The following CTNNA2 variants were observed in gnomAD, a reference collection of about 807,000 sequenced individuals.
CTNNA2 encodes catenin alpha-2.
CTNNA2 carries 42 observed loss-of-function variants against 101.0 expected under a neutral mutation model. That is an observed-to-expected ratio of 0.42 (90% CI 0.32 to 0.54). The LOEUF (loss-of-function observed/expected upper bound fraction) is 0.54. Among genes scored for constraint, CTNNA2 ranks in the 20% least tolerant of loss-of-function variants. CTNNA2 has a pLI of 0.14. For missense variants in CTNNA2, 871 were observed against 1,223.1 expected (o/e 0.71, Z 4.29); for synonymous variants, 450 against 456.4 (o/e 0.99, Z 0.18).
chr2:80,233,841 A>G (rs989336717), intron 7 of CTNNA2, among the ~76,000 whole-genome samples: 4 of 152,184 alleles, frequency 2.6e-5, no homozygotes, highest in Admixed American at 6.5e-5. Context: ...TTGAAGAAGT[A>G]TTTCATTACA....
rs529103804 is a variant in CTNNA2 at position 79,778,526 on chromosome 2, CTG to C, written c.298+33946_298+33947del. Among the ~76,000 whole-genome samples, 326 of 152,212 alleles carry C rather than the reference CTG, an allele frequency of 2.1e-3. 1 individual carries two copies. Among genetic ancestry groups the C allele is most frequent in the African/African-American group, 7.5e-3 (312 of 41,540 alleles). On this transcript the variant is annotated intron_variant, in intron 3 of 18. Transcript: ENST00000402739. Reference sequence around the variant, plus strand: ...AAAAAAACCTACTTGGTCATGATGACTGTATATATGGGTATATGCAGTCATAT... The same window carrying C: ...AAAAAAACCTACTTGGTCATGATGACTATATATGGGTATATGCAGTCATAT...
In CTNNA2 at chr2:79,932,239, G is replaced by GA. The variant is rs1374585032; in HGVS notation, c.1056+22448dup. 5.9e-5 allele frequency among the ~76,000 whole-genome samples: 9 copies of GA among 151,996 alleles called. No individual in the cohort carries two copies. In the East Asian group the frequency reaches 1.4e-3, roughly 23 times the overall value. The stretch of plus-strand genomic sequence containing the variant: ...TACCTCCAGAGCCCTCCCTTTCTCT[G>GA]AAAAAACAATGCTTTATTATAGTTA... On this transcript the variant is annotated intron_variant, in intron 7 of 18. Coordinates refer to ENST00000402739, the MANE Select transcript of CTNNA2 (RefSeq NM_001282597.3).
At chr2:80,045,524 AAAT>A (rs1367261135) in intron 7 of CTNNA2, among the ~76,000 whole-genome samples, 1 of 152,186 alleles carries the variant, frequency 6.6e-6, no homozygotes, top group East Asian at 1.9e-4. Flanking sequence ...TTGTCACACT[AAAT>A]AAATAATTAC....
chr2:80,552,484 A>C (rs983154667), intron 11 of CTNNA2, among the ~76,000 whole-genome samples: 2 of 152,220 alleles, frequency 1.3e-5, no homozygotes, highest in African/African-American at 4.8e-5. Flanking sequence ...ATCATGAAGA[A>C]ACTGTGACTC....
At chr2:79,537,194 C>G (rs1165660134) in intron 1 of CTNNA2, among the ~76,000 whole-genome samples, 1 of 152,172 alleles carries the variant, frequency 6.6e-6, no homozygotes, top group Non-Finnish European at 1.5e-5. Context: ...CTGATTTGAC[C>G]TGCCTGATCC....
intron 3 of CTNNA2, among the ~76,000 whole-genome samples, chr2:79,341,229 T>G (rs1016638332): frequency 1.3e-5 from 2 of 152,154 alleles, no homozygotes. Flanking sequence ...TAATAGTGAA[T>G]AAGATTCAGA....
intron 9 of CTNNA2, among the ~76,000 whole-genome samples, chr2:80,426,035 A>G (rs150620117): frequency 1.3e-5 from 2 of 152,294 alleles, no homozygotes; most frequent in East Asian, 1.9e-4. Flanking sequence ...CAGGTCAACT[A>G]TGATGTAAAG....
intron 6 of CTNNA2, among the ~76,000 whole-genome samples, chr2:79,874,988 C>T (rs1193391918): frequency 2.0e-5 from 3 of 152,170 alleles, no homozygotes; most frequent in African/African-American, 7.2e-5. Context: ...GCGTGAAAAG[C>T]TGCCATCAAT....
chr2:79,651,769 TCC>T, intron 2 of CTNNA2, 111 bp downstream of exon 2: 3 of 863,206 alleles, frequency 3.5e-6, no homozygotes, highest in Non-Finnish European at 3.7e-6. Context: ...ATGCCATGAT[TCC>T]GATTACTGAA....
At chr2:79,579,333 A>G (rs181454449) in intron 1 of CTNNA2, among the ~76,000 whole-genome samples, 28 of 147,462 alleles carry the variant, frequency 1.9e-4, no homozygotes, top group Middle Eastern at 3.4e-3. Flanking sequence ...TTTATCTGCT[A>G]CCTGGATCCC....
rs145067884 is a variant in CTNNA2 at position 79,487,083 on chromosome 2, G to A, written c.-134-17971G>A. On this transcript the variant is annotated intron_variant, in intron 4 of 21. Transcript: ENST00000466387. ...CTACTAATGCTTTTTAAAAAATTTA[G>A]CCCTATAATTCCAAAGCAGTTTAAA... Among the ~76,000 whole-genome samples, 179 of 152,184 alleles carry A rather than the reference G, an allele frequency of 1.2e-3. 1 individual carries two copies. Among genetic ancestry groups the A allele is most frequent in the Middle Eastern group, 3.4e-3 (1 of 294 alleles).
intron 7 of CTNNA2, among the ~76,000 whole-genome samples, chr2:80,360,634 C>A (rs1213871941): frequency 1.3e-5 from 2 of 152,060 alleles, no homozygotes; most frequent in Non-Finnish European, 2.9e-5. Flanking sequence ...TATGATTAGT[C>A]CCTGCATATG....
At chr2:79,936,348 TTTAA>T (rs1192270892) in intron 7 of CTNNA2, among the ~76,000 whole-genome samples, 3 of 152,136 alleles carry the variant, frequency 2.0e-5, no homozygotes, top group Non-Finnish European at 4.4e-5. Flanking sequence ...TACGGTATTA[TTTAA>T]TTGTCATACC....
intron 6 of CTNNA2, among the ~76,000 whole-genome samples, chr2:79,889,690 T>A (rs1402915284): frequency 6.6e-6 from 1 of 152,178 alleles, no homozygotes; most frequent in Non-Finnish European, 1.5e-5. Flanking sequence ...AAATACTAGT[T>A]TTCTTCTTCT....
intron 7 of CTNNA2, among the ~76,000 whole-genome samples, chr2:80,041,569 A>G (rs1696059259): frequency 6.6e-6 from 1 of 152,184 alleles, no homozygotes; most frequent in Non-Finnish European, 1.5e-5. Flanking sequence ...GACATGACTA[A>G]TGCTATTGCT....
intron 15 of CTNNA2, among the ~76,000 whole-genome samples, chr2:80,596,290 T>C (rs1190496518): frequency 2.7e-5 from 1 of 37,632 alleles, no homozygotes; most frequent in Non-Finnish European, 5.0e-5. Context: ...TTTTTTTTTT[T>C]TTTTTTTTTT....
intron 7 of CTNNA2, among the ~76,000 whole-genome samples, chr2:80,235,932 G>A (rs1248349135): frequency 6.6e-6 from 1 of 152,136 alleles, no homozygotes; most frequent in Non-Finnish European, 1.5e-5. Flanking sequence ...GTACTCAATA[G>A]TTATTTTGTC....
chr2:79,590,032 A>G (rs763206475), intron 1 of CTNNA2, among the ~76,000 whole-genome samples: 3 of 152,194 alleles, frequency 2.0e-5, no homozygotes, highest in African/African-American at 4.8e-5. Context: ...AACGTTTCAC[A>G]TGGTTTTTCC....
chr2:79,982,713 C>G (rs768696907), intron 7 of CTNNA2, among the ~76,000 whole-genome samples: 27 of 152,178 alleles, frequency 1.8e-4, no homozygotes, highest in Middle Eastern at 6.8e-3. Flanking sequence ...GTCCTCAGTG[C>G]TTGCGTTTTT....
Sources: allele counts gnomAD v4.1 joint callset (sites outside exome capture counted in the v4.1 genomes callset), GRCh38; gene constraint gnomAD v4.1.1; transcripts MANE v1.5; gene names NCBI Gene and HGNC (gene_info 2026-07-23, HGNC 2026-07-21).